DNAAF4: variants seen among roughly 807,000 people sequenced by gnomAD.
DNAAF4 encodes the protein dynein assembly factor 4, axonemal.
DNAAF4 carries 43 observed loss-of-function variants against 51.8 expected under a neutral mutation model. That is an observed-to-expected ratio of 0.83 (90% CI 0.65 to 1.07). The LOEUF (loss-of-function observed/expected upper bound fraction) is 1.07, where lower values mean the gene tolerates loss of function less well. Ranked by LOEUF, DNAAF4 falls within the 50% of genes least tolerant of loss-of-function variation. The pLI, the probability that DNAAF4 is intolerant of heterozygous loss-of-function variation, is 0.00. For missense variants in DNAAF4, 581 were observed against 493.0 expected (o/e 1.18, Z -1.69); for synonymous variants, 194 against 165.6 (o/e 1.17, Z -1.32).
At chr15:55,499,621 G>A (rs139251173) in intron 1 of DNAAF4, among the ~76,000 whole-genome samples, 57 of 152,240 alleles carry the variant, frequency 3.7e-4, no homozygotes, top group African/African-American at 1.3e-3. Flanking sequence ...TAACTGTAAG[G>A]CCGCCAAAAG....
At chr15:55,437,276 GAAGGAAGA>G (rs1002889643) in intron 7 of DNAAF4, among the ~76,000 whole-genome samples, 8 of 152,166 alleles carry the variant, frequency 5.3e-5, no homozygotes, top group African/African-American at 1.9e-4. Context: ...AAATGAATAG[GAAGGAAGA>G]AAGGAAGAAG....
chr15:55,428,799 T>A (rs901132554), downstream of DNAAF4, among the ~76,000 whole-genome samples: 1 of 151,938 alleles, frequency 6.6e-6, no homozygotes, highest in East Asian at 1.9e-4. Flanking sequence ...CCAGCCTCTT[T>A]CACTGTCTTA....
At position 55,472,731 on chromosome 15, in the gene DNAAF4, A is replaced by G. The variant is rs74528136; in HGVS notation, c.406-5570T>C. 9.2e-5 allele frequency among the ~76,000 whole-genome samples: 14 copies of G among 152,356 alleles called. No homozygotes were observed. The East Asian group carries it at 2.7e-3, about 29-fold the overall frequency. On this transcript the variant is annotated intron_variant, in intron 4 of 9. Transcript: ENST00000321149. ...AGCAAATAAAACTAATACGAGAATA[A>G]TGAATAGTTCCTACACTAAATTTTT... is the stretch of plus-strand genomic sequence containing the variant.
intron 7 of DNAAF4, among the ~76,000 whole-genome samples, chr15:55,439,231 G>A (rs2141422143): frequency 6.6e-6 from 1 of 152,290 alleles, no homozygotes; most frequent in East Asian, 1.9e-4. Flanking sequence ...CTTCTGAGTA[G>A]CTGGGACTAC....
chr15:55,467,243 G>T, intron 4 of DNAAF4, 82 bp from the exon 5 acceptor site: 2 of 1,234,836 alleles, frequency 1.6e-6, no homozygotes, highest in Non-Finnish European at 1.1e-6. Context: ...ACAATAATTA[G>T]TTATTCATAC....
chr15:55,467,489 A>G (rs1023879072), intron 4 of DNAAF4, among the ~76,000 whole-genome samples: 1 of 152,116 alleles, frequency 6.6e-6, no homozygotes, highest in Non-Finnish European at 1.5e-5. Context: ...AGGGCTTGGT[A>G]GAAAAAATAA....
chr15:55,435,127 T>G (rs755983031), intron 7 of DNAAF4, 69 bp from the exon 8 acceptor site: 16 of 1,497,740 alleles, frequency 1.1e-5, no homozygotes, highest in Non-Finnish European at 1.4e-5. Context: ...TAATATCTAA[T>G]TGTATTTGAC....
chr15:55,481,418 TAC>T (rs1169128448), intron 4 of DNAAF4, among the ~76,000 whole-genome samples: 1 of 152,212 alleles, frequency 6.6e-6, no homozygotes, highest in Admixed American at 6.5e-5. Context: ...ACATTATTAA[TAC>T]TTGTACTTAC....
At chr15:55,488,291 T>C (rs547027445) in intron 4 of DNAAF4, among the ~76,000 whole-genome samples, 2 of 152,170 alleles carry the variant, frequency 1.3e-5, no homozygotes, top group Non-Finnish European at 2.9e-5. Flanking sequence ...GTATAGCGAA[T>C]TGACACAGCC....
Position 55,453,548 on chromosome 15 carries a change from C to CTT in DNAAF4, c.638-3183_638-3182dup, listed in dbSNP as rs1228330492. Among the ~76,000 whole-genome samples the CTT allele has an allele frequency of 1.6e-3, 188 of 115,642 alleles. 4 individuals carry two copies. The highest frequency in any genetic ancestry group is 3.9e-3 in the South Asian group (14 of 3,598). The allele number at this position is 115,642 out of a possible 152,430, so 75.9% of individuals were successfully genotyped here. A position where few individuals can be genotyped will look rare whatever the true frequency, so the allele number is the denominator to read the frequency against. On this transcript the variant is annotated intron_variant, in intron 5 of 9. Transcript: ENST00000321149. Reference sequence around the variant, plus strand: ...AGAGAGGTGTGAAAAAAAAACAGTTCTTTTTTTTTTTTTTTTTTTTGAGAC... The same window carrying CTT: ...AGAGAGGTGTGAAAAAAAAACAGTTCTTTTTTTTTTTTTTTTTTTTTTGAGAC...
downstream of DNAAF4, among the ~76,000 whole-genome samples, chr15:55,425,746 C>T (rs180997629): frequency 1.1e-3 from 160 of 152,270 alleles, no homozygotes; most frequent in African/African-American, 3.6e-3. Context: ...AAAAATCATC[C>T]CAAACCTGGT....
chr15:55,491,526 G>C (rs1375287839), intron 3 of DNAAF4, among the ~76,000 whole-genome samples: 1 of 150,654 alleles, frequency 6.6e-6, no homozygotes, highest in Non-Finnish European at 1.5e-5. Flanking sequence ...GGTAATGAGA[G>C]GGAGAGGGTG....
chr15:55,471,916 T>C (rs1442377466), intron 4 of DNAAF4, among the ~76,000 whole-genome samples: 1 of 152,190 alleles, frequency 6.6e-6, no homozygotes, highest in African/African-American at 2.4e-5. Flanking sequence ...CTTCGCTCAC[T>C]GCAACCTCCG....
chr15:55,430,095 C>G (rs1194712091), downstream of DNAAF4, among the ~76,000 whole-genome samples: 1 of 152,092 alleles, frequency 6.6e-6, no homozygotes, highest in Non-Finnish European at 1.5e-5. Context: ...TTTTCAGGTG[C>G]ACAGCCTATA....
intron 4 of DNAAF4, among the ~76,000 whole-genome samples, chr15:55,481,475 T>C (rs1353855828): frequency 1.3e-5 from 2 of 152,202 alleles, no homozygotes; most frequent in African/African-American, 4.8e-5. Flanking sequence ...ACCAGATTTA[T>C]TTCTTCTCAC....
chr15:55,434,805 C>A, intron 8 of DNAAF4, 100 bp downstream of exon 8: 1 of 999,160 alleles, frequency 1.0e-6, no homozygotes. Context: ...AAAATCTTTG[C>A]ATCTCAATTA....
chr15:55,446,284 T>A (rs1310671893), intron 6 of DNAAF4, among the ~76,000 whole-genome samples: 6 of 74,294 alleles, frequency 8.1e-5, no homozygotes, highest in Admixed American at 2.0e-4. Flanking sequence ...GAGGCGCTCC[T>A]CACATCCCAG....
chr15:55,446,935 C>T (rs2057836816), intron 6 of DNAAF4, among the ~76,000 whole-genome samples: 1 of 148,620 alleles, frequency 6.7e-6, no homozygotes, highest in African/African-American at 2.5e-5. Flanking sequence ...CAGAGGCGCT[C>T]CTCACATCCC....
intron 4 of DNAAF4, among the ~76,000 whole-genome samples, chr15:55,479,854 C>T (rs914350861): frequency 1.3e-5 from 2 of 152,102 alleles, no homozygotes; most frequent in Admixed American, 1.3e-4. Flanking sequence ...AAACTCCACC[C>T]TCGTAAATTT....
Sources: gnomAD v4.1 joint callset for allele counts (sites outside exome capture counted in the v4.1 genomes callset) on GRCh38, gnomAD v4.1.1 for gene constraint, MANE v1.5 for transcripts, NCBI Gene and HGNC (gene_info 2026-07-23, HGNC 2026-07-21) for gene names.